The following PDGFC variants were observed in gnomAD, a reference collection of about 807,000 sequenced individuals.
PDGFC encodes platelet derived growth factor C.
In PDGFC, 12 loss-of-function variants were observed where a neutral mutation model predicts 35.5. The observed-to-expected ratio is 0.34, with a 90% CI of 0.22 to 0.55. PDGFC has a LOEUF of 0.55. Ranked by LOEUF, PDGFC falls within the 20% of genes least tolerant of loss-of-function variation. The pLI is 0.91. For synonymous variants in PDGFC, 159 were observed against 148.8 expected (o/e 1.07, Z -0.50); for missense variants, 322 against 412.4 (o/e 0.78, Z 1.90).
Position 156,788,571 on chromosome 4 carries a change from C to T in PDGFC, c.496-15678G>A, listed in dbSNP as rs574060268. Among the ~76,000 whole-genome samples, 18 of 152,166 alleles carry T rather than the reference C, an allele frequency of 1.2e-4. 1 individual carries two copies. The highest frequency in any genetic ancestry group is 8.3e-4 in the South Asian group (4 of 4,822). On this transcript the variant is annotated intron_variant, in intron 3 of 5. Transcript: ENST00000502773. Reference sequence around the variant, plus strand: ...GTGGAAAACTGGTGAAATTCAAATCCGAATTTTAATCATCTTCTAACCAAT... The same window carrying T: ...GTGGAAAACTGGTGAAATTCAAATCTGAATTTTAATCATCTTCTAACCAAT...
At chr4:156,791,842 A>C (rs574219056) in intron 3 of PDGFC, among the ~76,000 whole-genome samples, 1 of 152,186 alleles carries the variant, frequency 6.6e-6, no homozygotes. Context: ...TATTAAAAAC[A>C]TGTCTTCACT....
chr4:156,896,574 T>C (rs1252971719), intron 1 of PDGFC, among the ~76,000 whole-genome samples: 1 of 152,164 alleles, frequency 6.6e-6, no homozygotes, highest in Non-Finnish European at 1.5e-5. Flanking sequence ...TGGGCAAATT[T>C]TACTTAAAGA....
At chr4:156,886,327 C>T (rs369505818) in intron 1 of PDGFC, among the ~76,000 whole-genome samples, 4 of 152,070 alleles carry the variant, frequency 2.6e-5, no homozygotes, top group Non-Finnish European at 5.9e-5. Context: ...GTGCAGTATT[C>T]CTAAAAGACC....
intron 1 of PDGFC, among the ~76,000 whole-genome samples, chr4:156,938,333 T>G (rs1230429955): frequency 1.3e-5 from 2 of 152,138 alleles, no homozygotes; most frequent in South Asian, 2.1e-4. Flanking sequence ...AACGTGCTGA[T>G]TAAATAAAAC....
chr4:156,970,447 C>G (rs1579134226), intron 1 of PDGFC, among the ~76,000 whole-genome samples: 1 of 152,116 alleles, frequency 6.6e-6, no homozygotes, highest in African/African-American at 2.4e-5. Flanking sequence ...AAGGCTCATT[C>G]ATTTTGGATT....
intron 1 of PDGFC, among the ~76,000 whole-genome samples, chr4:156,951,436 G>A (rs1732078862): frequency 6.6e-6 from 1 of 151,732 alleles, no homozygotes; most frequent in South Asian, 2.1e-4. Flanking sequence ...TATAAGTTGT[G>A]ATTGTGGAGT....
At chr4:156,799,651 A>G (rs1455366966) in intron 3 of PDGFC, among the ~76,000 whole-genome samples, 1 of 152,192 alleles carries the variant, frequency 6.6e-6, no homozygotes, top group Non-Finnish European at 1.5e-5. Flanking sequence ...ATAAGAATAC[A>G]GTTCTGAAAA....
At chr4:156,950,187 C>T (rs1424655570) in intron 1 of PDGFC, among the ~76,000 whole-genome samples, 1 of 151,756 alleles carries the variant, frequency 6.6e-6, no homozygotes, top group African/African-American at 2.4e-5. Context: ...AGTTATCTGC[C>T]GAAAAGTAGT....
In PDGFC at chr4:156,911,132, T is replaced by C. The variant is rs1197767492; in HGVS notation, c.118+59654A>G. Among the ~76,000 whole-genome samples the C allele has an allele frequency of 2.6e-5, 4 of 152,268 alleles. No homozygotes were observed. In the East Asian group the frequency reaches 7.7e-4, roughly 29 times the overall value. On this transcript the variant is annotated intron_variant, in intron 1 of 5. Transcript: ENST00000502773. The stretch of plus-strand genomic sequence containing the variant: ...ACTGTTTGCCTAACCCTAGATATTT[T>C]CTAAATTTTTATGAGAAGGTTTCAT...
At chr4:156,871,126 C>T (rs1560850324) in intron 1 of PDGFC, among the ~76,000 whole-genome samples, 1 of 152,060 alleles carries the variant, frequency 6.6e-6, no homozygotes, top group Non-Finnish European at 1.5e-5. Flanking sequence ...ATTAACTGCT[C>T]AGTTTATAGG....
intron 1 of PDGFC, among the ~76,000 whole-genome samples, chr4:156,868,417 A>G (rs566847126): frequency 3.3e-5 from 5 of 152,298 alleles, no homozygotes; most frequent in Middle Eastern, 3.4e-3. Flanking sequence ...AACACTACCC[A>G]TTAAGGATTA....
At chr4:156,803,740 A>C (rs946983771) in intron 3 of PDGFC, among the ~76,000 whole-genome samples, 2 of 152,174 alleles carry the variant, frequency 1.3e-5, no homozygotes, top group African/African-American at 4.8e-5. Context: ...CAAAATTAAA[A>C]TTAAATGTAA....
At chr4:156,904,074 C>T (rs2110777401) in intron 1 of PDGFC, among the ~76,000 whole-genome samples, 1 of 152,160 alleles carries the variant, frequency 6.6e-6, no homozygotes, top group Non-Finnish European at 1.5e-5. Flanking sequence ...GGCCTAAGTG[C>T]CATATTCTTG....
chr4:156,943,165 AC>A (rs1400539222), intron 1 of PDGFC, among the ~76,000 whole-genome samples: 1 of 151,902 alleles, frequency 6.6e-6, no homozygotes. Context: ...GTCTGGCTCA[AC>A]CCCCCGGTGT....
At chr4:156,937,762 T>C (rs1339642130) in intron 1 of PDGFC, among the ~76,000 whole-genome samples, 2 of 152,172 alleles carry the variant, frequency 1.3e-5, no homozygotes, top group Non-Finnish European at 2.9e-5. Context: ...TTTTCTAAAG[T>C]GCCTGAAATC....
chr4:156,900,623 T>C (rs1434302758), intron 1 of PDGFC, among the ~76,000 whole-genome samples: 2 of 152,100 alleles, frequency 1.3e-5, no homozygotes, highest in Non-Finnish European at 2.9e-5. Flanking sequence ...GGTGGATTGC[T>C]TGAGCCCAGG....
chr4:156,924,458 A>T (rs1731359797), intron 1 of PDGFC, among the ~76,000 whole-genome samples: 1 of 152,228 alleles, frequency 6.6e-6, no homozygotes, highest in Admixed American at 6.5e-5. Flanking sequence ...AGTAACAAGG[A>T]AAATGGTGGT....
chr4:156,961,252 T>C (rs1391340223), intron 1 of PDGFC, among the ~76,000 whole-genome samples: 1 of 152,118 alleles, frequency 6.6e-6, no homozygotes, highest in Non-Finnish European at 1.5e-5. Flanking sequence ...TAAATAATTA[T>C]GACTACTTAA....
At chr4:156,796,197 C>A (rs1009245346) in intron 3 of PDGFC, among the ~76,000 whole-genome samples, 4 of 152,066 alleles carry the variant, frequency 2.6e-5, no homozygotes, top group African/African-American at 9.7e-5. Flanking sequence ...TATTCTAAAG[C>A]CATTTAGTGA....
Sources: allele counts gnomAD v4.1 joint callset (sites outside exome capture counted in the v4.1 genomes callset), GRCh38; gene constraint gnomAD v4.1.1; transcripts MANE v1.5; gene names NCBI Gene and HGNC (gene_info 2026-07-23, HGNC 2026-07-21).